The following NOTCH2NLC variants were observed in gnomAD, a reference collection of about 807,000 sequenced individuals.
NOTCH2NLC encodes the protein notch homolog 2 N-terminal-like protein C.
Under a neutral mutation model 17.7 loss-of-function variants are expected in NOTCH2NLC, and 4 were observed. The ratio of observed to expected loss-of-function variants is 0.23; its 90% CI spans 0.11 to 0.52. The LOEUF is 0.52. Among genes scored for constraint, NOTCH2NLC ranks in the 20% least tolerant of loss-of-function variants. The probability of loss-of-function intolerance (pLI) is 0.96; values close to 1 mark genes in which losing one functional copy is unlikely to be tolerated. For missense variants in NOTCH2NLC, 57 were observed against 207.2 expected, an observed-to-expected ratio of 0.28 and a Z score of 4.45; for synonymous variants, 18 against 86.0, an observed-to-expected ratio of 0.21 and a Z score of 4.38.
At chr1:149,417,475 T>C (rs2084342982) in intron 1 of NOTCH2NLC, among the ~76,000 whole-genome samples, 1 of 151,290 alleles carries the variant, frequency 6.6e-6, no homozygotes, top group Non-Finnish European at 1.5e-5. Flanking sequence ...GGTCAGTAGG[T>C]AAAAGACTTG....
In NOTCH2NLC at chr1:149,432,710, T is replaced by A. The variant is rs1252359730; in HGVS notation, c.209+1695T>A. Among the ~76,000 whole-genome samples, 12 of 149,962 alleles carry A rather than the reference T, an allele frequency of 8.0e-5. No individual in the cohort carries two copies. In the South Asian group the frequency reaches 2.1e-3, roughly 26 times the overall value. ...GTGAGGTCTTAGTCTTATGCATTTT[T>A]TGCATAGTTAATGCCTAGTACAGTG... is the stretch of plus-strand genomic sequence containing the variant. On this transcript the variant is annotated intron_variant, in intron 2 of 4. Transcript: ENST00000650865.
Position 149,471,199 on chromosome 1 carries a change from T to C in NOTCH2NLC, c.*7046T>C, listed in dbSNP as rs1396680749. ...TTTTAATATTGAACTGTAATAGTTT[T>C]AAAAAAATATATCCTAAATACAAGT... On this transcript the variant is annotated 3_prime_UTR_variant, in exon 5 of 5. Transcript: ENST00000650865. 4.0e-5 allele frequency among the ~76,000 whole-genome samples: 6 copies of C among 151,136 alleles called. No homozygotes were observed. The highest frequency in any genetic ancestry group is 8.9e-5 in the Non-Finnish European group (6 of 67,622).
chr1:149,402,452 G>T (rs2084251363), intron 1 of NOTCH2NLC, among the ~76,000 whole-genome samples: 1 of 126,120 alleles, frequency 7.9e-6, no homozygotes, highest in African/African-American at 3.0e-5. Flanking sequence ...CTGTCATTCT[G>T]CTAGGGGCTT....
At chr1:149,460,427 C>T (rs1165396718) in intron 3 of NOTCH2NLC, among the ~76,000 whole-genome samples, 4 of 146,120 alleles carry the variant, frequency 2.7e-5, no homozygotes, top group Non-Finnish European at 6.1e-5. Context: ...CAAGCTCCAC[C>T]TCCCGGGTTC....
rs2084161356 is a variant in NOTCH2NLC at position 149,390,846 on chromosome 1, G to A, written c.59G>A (p.Arg20Gln). 6 of 1,373,028 alleles carry A rather than the reference G, an allele frequency of 4.4e-6. No homozygotes were observed. The highest frequency in any genetic ancestry group is 3.1e-5 in the African/African-American group (2 of 64,534). The allele number at this position is 1,373,028 out of a possible 1,614,324, so 85.1% of individuals were successfully genotyped here. A position where few individuals can be genotyped will look rare whatever the true frequency, so the allele number is the denominator to read the frequency against. Reference protein sequence around the residue: ...GGGGGGGGGDREDARPAPLCC... With the variant: ...GGGGGGGGGDQEDARPAPLCC... The stretch of plus-strand genomic sequence containing the variant: ...GGCGGCGGCGGAGGAGGCGGCGACC[G>A]AGAAGATGCCCGCCCTGCGCCGCTC... The change falls in exon 1 of 5, where the codon CGA (arginine) becomes CAA (glutamine). Residue 20 changes from arginine (R) to glutamine (Q), a missense_variant. This residue lies in a region of NOTCH2NLC where 25 missense variants were observed against 27.0 expected (regional missense o/e 0.93). Coordinates refer to ENST00000650865, the MANE Select transcript of NOTCH2NLC (RefSeq NM_001364013.2).
intron 2 of NOTCH2NLC, among the ~76,000 whole-genome samples, chr1:149,448,640 A>G (rs2084569013): frequency 6.6e-6 from 1 of 151,120 alleles, no homozygotes; most frequent in Non-Finnish European, 1.5e-5. Flanking sequence ...TCTCAGTTTA[A>G]GAACTTACTC....
At chr1:149,410,473 A>C (rs1252138387) in intron 1 of NOTCH2NLC, among the ~76,000 whole-genome samples, 1 of 144,118 alleles carries the variant, frequency 6.9e-6, no homozygotes, top group African/African-American at 2.6e-5. Flanking sequence ...CTAGTGATAC[A>C]AATATGTGTT....
At chr1:149,393,161 A>G (rs2084185246) in intron 1 of NOTCH2NLC, among the ~76,000 whole-genome samples, 2 of 149,968 alleles carry the variant, frequency 1.3e-5, no homozygotes, top group Admixed American at 1.3e-4. Context: ...ATAGGATCTC[A>G]GTGCATAAAA....
chr1:149,461,289 A>C (rs1468416099), intron 3 of NOTCH2NLC, among the ~76,000 whole-genome samples: 4 of 148,614 alleles, frequency 2.7e-5, no homozygotes, highest in African/African-American at 9.9e-5. Context: ...CACTTGCTAG[A>C]AGTGAGCATT....
intron 2 of NOTCH2NLC, among the ~76,000 whole-genome samples, chr1:149,446,612 A>T (rs1478886640): frequency 6.7e-6 from 1 of 148,984 alleles, no homozygotes; most frequent in Non-Finnish European, 1.5e-5. Context: ...CTGGGATTAC[A>T]GGTGTGAGCC....
At chr1:149,399,222 CTT>C (rs2084229910) in intron 1 of NOTCH2NLC, among the ~76,000 whole-genome samples, 1 of 151,050 alleles carries the variant, frequency 6.6e-6, no homozygotes, top group Non-Finnish European at 1.5e-5. Context: ...TTTTTCATCT[CTT>C]TTTATTTTCA....
chr1:149,449,378 T>C (rs2084576658), intron 2 of NOTCH2NLC, among the ~76,000 whole-genome samples: 1 of 148,562 alleles, frequency 6.7e-6, no homozygotes, highest in Non-Finnish European at 1.5e-5. Flanking sequence ...CAGAAAATTT[T>C]GGTCATTCTG....
intron 2 of NOTCH2NLC, among the ~76,000 whole-genome samples, chr1:149,446,498 CTT>C (rs1244683865): frequency 2.1e-5 from 3 of 142,378 alleles, no homozygotes; most frequent in African/African-American, 2.6e-5. Context: ...AGAAATGACA[CTT>C]TTTTTTTTTT....
chr1:149,462,252 A>AT (rs2084654765), intron 3 of NOTCH2NLC, among the ~76,000 whole-genome samples: 2 of 141,412 alleles, frequency 1.4e-5, no homozygotes, highest in East Asian at 2.1e-4. Flanking sequence ...CTGTGAGGAT[A>AT]TTTTTTTCTC....
Position 149,449,490 on chromosome 1 carries a change from A to G in NOTCH2NLC, c.210-5828A>G, listed in dbSNP as rs1371692628. ...ATACGCCAAACCATTGAATCCTGGAAAAAAGAAAACAAAAGGCCCACATAA... is the reference window on the plus strand; with the variant it reads ...ATACGCCAAACCATTGAATCCTGGAGAAAAGAAAACAAAAGGCCCACATAA... On this transcript the variant is annotated intron_variant, in intron 2 of 4. Coordinates refer to ENST00000650865, the MANE Select transcript of NOTCH2NLC (RefSeq NM_001364013.2). 3.3e-3 allele frequency among the ~76,000 whole-genome samples: 491 copies of G among 148,020 alleles called. 6 individuals are homozygous for G. Among genetic ancestry groups the G allele is most frequent in the African/African-American group, 0.012 (473 of 40,360 alleles).
At chr1:149,461,214 C>T (rs1478946061) in intron 3 of NOTCH2NLC, among the ~76,000 whole-genome samples, 2 of 149,686 alleles carry the variant, frequency 1.3e-5, no homozygotes, top group East Asian at 3.9e-4. Context: ...GGATTACAGG[C>T]ATCAGCCACC....
chr1:149,412,131 C>CA lies in NOTCH2NLC; in HGVS notation c.136-18801dup, dbSNP rs1174642398. ...ATCCTGTCTCCAAAAAAAAAAAAAA[C>CA]AAAAAAAAAACAAAAAAAAGTGGTA... On this transcript the variant is annotated intron_variant, in intron 1 of 4. Transcript: ENST00000650865. 7.6e-3 allele frequency among the ~76,000 whole-genome samples: 861 copies of CA among 113,886 alleles called. 17 individuals are homozygous for CA. The highest frequency in any genetic ancestry group is 0.012 in the South Asian group (43 of 3,450). 74.7% of individuals were successfully genotyped at this position (113,886 alleles called of 152,430 possible). A position where few individuals can be genotyped will look rare whatever the true frequency, so the allele number is the denominator to read the frequency against.
intron 3 of NOTCH2NLC, among the ~76,000 whole-genome samples, chr1:149,460,854 CCTTTCTTT>C (rs1169297627): frequency 0.15 from 17,227 of 113,554 alleles, 1,366 homozygotes; most frequent in African/African-American, 0.16. Context: ...TTTCTTTCTC[CCTTTCTTT>C]CTTTCTTTCT....
In NOTCH2NLC at chr1:149,462,126, TATAATA is replaced by T. The variant is rs1332169696; in HGVS notation, c.470-1347_470-1342del. Among the ~76,000 whole-genome samples the T allele has an allele frequency of 3.8e-3, 542 of 143,396 alleles. 9 individuals carry two copies. Among genetic ancestry groups the T allele is most frequent in the African/African-American group, 0.013 (520 of 38,724 alleles). The allele number at this position is 143,396 out of a possible 152,430, so 94.1% of individuals were successfully genotyped here. ...TGCACGTGTACCCTAGAACTTAAAG[TATAATA>T]ATAATAATAATAATAATTCAAGGAG... On this transcript the variant is annotated intron_variant, in intron 3 of 4. Coordinates refer to ENST00000650865, the MANE Select transcript of NOTCH2NLC (RefSeq NM_001364013.2).
Sources: gnomAD v4.1 joint callset for allele counts (sites outside exome capture counted in the v4.1 genomes callset) on GRCh38, gnomAD v4.1.1 for gene constraint, gnomAD v4.1.1 regional missense constraint, MANE v1.5 for transcripts, NCBI Gene and HGNC (gene_info 2026-07-23, HGNC 2026-07-21) for gene names.